The following NOXA1 variants were observed in gnomAD, a reference collection of about 807,000 sequenced individuals.
The protein encoded by NOXA1 is NADPH oxidase activator 1, also known as NCF2-like protein.
Under a neutral mutation model 64.8 loss-of-function variants are expected in NOXA1, and 56 were observed. The observed-to-expected ratio is 0.86, with a 90% CI of 0.70 to 1.08. NOXA1 has a LOEUF of 1.08. NOXA1 is among the 50% of genes least tolerant of loss of function. The pLI is 0.00. For synonymous variants in NOXA1, 295 were observed against 294.8 expected (o/e 1.00, Z -0.01); for missense variants, 668 against 658.5 (o/e 1.01, Z -0.16).
chr9:137,429,177 G>T (rs1005075794), intron 4 of NOXA1, 99 bp from the exon 5 acceptor site: 1 of 1,324,228 alleles, frequency 7.6e-7, no homozygotes. Flanking sequence ...GGGGGTGGGG[G>T]GCCCAAGCGG....
intron 3 of NOXA1, 105 bp from the exon 4 acceptor site, chr9:137,428,777 G>T: frequency 8.3e-7 from 1 of 1,211,940 alleles, no homozygotes; most frequent in South Asian, 1.5e-5. Context: ...GGGGGACTGG[G>T]GGAGGGGCTG....
At chr9:137,428,722 G>A (rs1282129578) in intron 3 of NOXA1, among the ~76,000 whole-genome samples, 160 bp from the exon 4 acceptor site, 1 of 128,110 alleles carries the variant, frequency 7.8e-6, no homozygotes, top group Non-Finnish European at 1.7e-5. Context: ...CAGGTGGGGG[G>A]ACTGGGGGAG....
chr9:137,425,541 A>G (rs1838818902), intron 1 of NOXA1, among the ~76,000 whole-genome samples: 1 of 152,104 alleles, frequency 6.6e-6, no homozygotes, highest in South Asian at 2.1e-4. Context: ...GCGTGCCGCC[A>G]TGCCCAGCTA....
In NOXA1 at chr9:137,431,459, C is replaced by T. The variant is rs987751983; in HGVS notation, c.804+118C>T. 2.8e-5 allele frequency: 23 copies of T among 818,714 alleles called. No homozygotes were observed. Among genetic ancestry groups the T allele is most frequent in the Admixed American group, 1.1e-4 (5 of 45,716 alleles). The allele number at this position is 818,714 out of a possible 1,614,324, so 50.7% of individuals were successfully genotyped here. A position where few individuals can be genotyped will look rare whatever the true frequency, so the allele number is the denominator to read the frequency against. On this transcript the variant is annotated intron_variant, in intron 8 of 13. Transcript: ENST00000683555. The surrounding 1 kb of genome is among the most constrained non-coding windows in gnomAD (Gnocchi z 5.6). The stretch of plus-strand genomic sequence containing the variant: ...AGGGAGCAGCTCGCTGGGGGGTAGA[C>T]GGGGCCGGGCTCACCCGTGGTCCTG...
chr9:137,433,726 C>A (rs777482052), intron 11 of NOXA1, 24 bp from the exon 12 acceptor site: 14 of 1,469,174 alleles, frequency 9.5e-6, no homozygotes, highest in Non-Finnish European at 1.3e-5. Flanking sequence ...CCCAGGAGGC[C>A]CCCTCTGAGG....
At chr9:137,428,443 C>A (rs1300391514) in intron 3 of NOXA1, among the ~76,000 whole-genome samples, 6 of 151,766 alleles carry the variant, frequency 4.0e-5, no homozygotes, top group Admixed American at 3.3e-4. Context: ...GCCCCCAGCC[C>A]TTTCCTGGCT....
Position 137,434,226 on chromosome 9 carries a change from G to GT in NOXA1, c.1297_1298insT (p.Asp433ValfsTer10), listed in dbSNP as rs1410331128. The stretch of plus-strand genomic sequence containing the variant: ...AGAGCCCGATGTCCCCCTTGCAGTG[G>GT]ACCAGGCATGGCTGGAGGGCCACTG... On this transcript the variant is annotated frameshift_variant, in exon 14 of 14. Transcript: ENST00000683555. LOFTEE classifies it low-confidence loss of function (END_TRUNC). The GT allele has an allele frequency of 4.4e-6, 7 of 1,609,180 alleles. No homozygotes were observed. Among genetic ancestry groups the GT allele is most frequent in the Non-Finnish European group, 5.9e-6 (7 of 1,178,806 alleles).
At chr9:137,428,193 G>A (rs35406628) in intron 3 of NOXA1, 52 bp downstream of exon 3, 396,454 of 1,322,152 alleles carry the variant, frequency 0.3, 62,004 homozygotes, top group Non-Finnish European at 0.33. Flanking sequence ...GTCCACGGGC[G>A]GTGGCACTGT....
rs138658003 is a variant in NOXA1 at position 137,431,050 on chromosome 9, C to T, written c.673-25C>T. ...GGCGGCCCCCGACCCTTAACCAGAG[C>T]GAGGTTGTTGCTTTGTGTCCACAGG... On this transcript the variant is annotated intron_variant, in intron 6 of 13. Coordinates refer to ENST00000683555, the MANE Select transcript of NOXA1 (RefSeq NM_001256067.2). The surrounding 1 kb of genome is among the most constrained non-coding windows in gnomAD (Gnocchi z 5.6). 3.2e-4 allele frequency: 514 copies of T among 1,613,220 alleles called. 2 individuals carry two copies. In the African/African-American group the frequency reaches 5.6e-3, roughly 18 times the overall value.
intron 5 of NOXA1, 23 bp from the exon 6 acceptor site, chr9:137,430,761 A>G (rs1281695296): frequency 2.5e-6 from 4 of 1,585,928 alleles, no homozygotes; most frequent in Non-Finnish European, 3.4e-6. Flanking sequence ...TCCCTGACCC[A>G]GCGTCCCCAC....
At chr9:137,429,206 A>C (rs1227859233) in intron 4 of NOXA1, 70 bp from the exon 5 acceptor site, 3 of 1,367,248 alleles carry the variant, frequency 2.2e-6, no homozygotes, top group Non-Finnish European at 3.0e-6. Flanking sequence ...GCTCCAAGGC[A>C]CAGGGGCTCT....
At position 137,429,265 on chromosome 9, in the gene NOXA1, A is replaced by G; in HGVS notation, c.505-11A>G. ...CCCCGTCTGCATCTGCTGGATACCC[A>G]CCCCCTCCAGAGACGGGGCTCACTG... is the stretch of plus-strand genomic sequence containing the variant. On this transcript the variant is annotated splice_polypyrimidine_tract_variant and intron_variant, in intron 4 of 13. Coordinates refer to ENST00000683555, the MANE Select transcript of NOXA1 (RefSeq NM_001256067.2). 2.0e-6 allele frequency: 3 copies of G among 1,525,434 alleles called. No individual in the cohort carries two copies. The highest frequency in any genetic ancestry group is 2.4e-5 in the South Asian group (2 of 81,778). 94.5% of individuals were successfully genotyped at this position (1,525,434 alleles called of 1,614,324 possible). A position where few individuals can be genotyped will look rare whatever the true frequency, so the allele number is the denominator to read the frequency against.
chr9:137,424,950 A>G (rs1210872685), intron 1 of NOXA1, among the ~76,000 whole-genome samples: 1 of 152,234 alleles, frequency 6.6e-6, no homozygotes, highest in African/African-American at 2.4e-5. Context: ...AGCAGATGGA[A>G]CAGCTATGAT....
chr9:137,426,989 G>C (rs1367043075), intron 2 of NOXA1, among the ~76,000 whole-genome samples: 3 of 152,056 alleles, frequency 2.0e-5, no homozygotes, highest in Non-Finnish European at 4.4e-5. Context: ...TAGAGACTGG[G>C]CATCACCATG....
intron 2 of NOXA1, among the ~76,000 whole-genome samples, chr9:137,427,579 C>T (rs145869512): frequency 1.4e-3 from 210 of 152,392 alleles, no homozygotes; most frequent in African/African-American, 4.7e-3. Flanking sequence ...CTGGGGCAGC[C>T]TCTCCTTCAC....
intron 1 of NOXA1, among the ~76,000 whole-genome samples, chr9:137,424,817 A>G (rs757502604): frequency 2.0e-5 from 3 of 152,222 alleles, no homozygotes; most frequent in Non-Finnish European, 4.4e-5. Flanking sequence ...AACAAATCCT[A>G]TGTCCGGGGC....
rs374564139 is a variant in NOXA1, at chr9:137,430,789, G to A, written c.618G>A (p.Val206=). The A allele has an allele frequency of 6.3e-6, 10 of 1,595,046 alleles. No individual in the cohort carries two copies. Among genetic ancestry groups the A allele is most frequent in the African/African-American group, 1.3e-5 (1 of 74,838 alleles). Residue 206 remains valine, a synonymous_variant, in exon 6 of 14, where the codon GTG becomes GTA. Transcript: ENST00000683555. ...GTCCCCACTGTCCCCGCCAGGTGGT[G>A]GCCTCTGCCATCCCCGACGACCAGG... ...PVDFLGKAKV[V]ASAIPDDQGW...
At chr9:137,427,997 G>A (rs536001052) in intron 2 of NOXA1, 36 bp from the exon 3 acceptor site, 50 of 1,434,210 alleles carry the variant, frequency 3.5e-5, no homozygotes, top group South Asian at 3.4e-4. Context: ...CCCCATCTCC[G>A]CCCTGTGCTG....
rs1032384718 is a variant in NOXA1 at position 137,428,647 on chromosome 9, G to A, written c.370-235G>A. ...GGCCCGCCAGCCCAGGACACAGAAC[G>A]GTGCAGGGGAGGGGCCGGGTGGGGG... On this transcript the variant is annotated intron_variant, in intron 3 of 13. Coordinates refer to ENST00000683555, the MANE Select transcript of NOXA1 (RefSeq NM_001256067.2). 4.0e-5 allele frequency among the ~76,000 whole-genome samples: 6 copies of A among 150,434 alleles called. No homozygotes were observed. The East Asian group carries it at 5.9e-4, about 15-fold the overall frequency.
Sources: allele counts gnomAD v4.1 joint callset (sites outside exome capture counted in the v4.1 genomes callset), GRCh38; gene constraint gnomAD v4.1.1; non-coding constraint Gnocchi (gnomAD v3.1); transcripts MANE v1.5; gene names NCBI Gene and HGNC (gene_info 2026-07-23, HGNC 2026-07-21).